The following HDAC5 variants were observed in gnomAD, a reference collection of about 807,000 sequenced individuals.
The protein encoded by HDAC5 is histone deacetylase 5.
In HDAC5, 25 loss-of-function variants were observed where a neutral mutation model predicts 133.3. The ratio of observed to expected loss-of-function variants is 0.19; its 90% CI spans 0.14 to 0.26. The LOEUF is 0.26. HDAC5 is among the 10% of genes least tolerant of loss of function. The pLI is 1.00. For missense variants in HDAC5, 1,041 were observed against 1,460.5 expected (o/e 0.71, Z 4.68); for synonymous variants, 589 against 610.8 (o/e 0.96, Z 0.53).
chr17:44,113,639 T>G (rs543483677), intron 2 of HDAC5, among the ~76,000 whole-genome samples: 1 of 152,100 alleles, frequency 6.6e-6, no homozygotes, highest in South Asian at 2.1e-4. Flanking sequence ...CCACCAAGCA[T>G]GGGGTACATG....
chr17:44,115,296 G>A (rs1598036428), intron 2 of HDAC5, among the ~76,000 whole-genome samples: 3 of 152,160 alleles, frequency 2.0e-5, no homozygotes, highest in Admixed American at 2.0e-4. Context: ...GGCGCTCAGG[G>A]GCTGCAGCAG....
Position 44,083,613 on chromosome 17 carries a change from T to C in HDAC5, c.2395A>G (p.Ser799Gly), listed in dbSNP as rs374690205. The C allele has an allele frequency of 6.8e-6, 11 of 1,614,056 alleles. No individual in the cohort carries two copies. Among genetic ancestry groups the C allele is most frequent in the Admixed American group, 5.0e-5 (3 of 60,008 alleles). ...CAGCCCACTGCCATGCGCACAGCAC[T>C]GGAGGAGTGCATCTCATTCCACACG... is the stretch of plus-strand genomic sequence containing the variant. ...DTVWNEMHSS[S>G]AVRMAVGCLL... Residue 799 changes from serine to glycine, a missense_variant, in exon 18 of 27, where the codon AGT (serine) becomes GGT (glycine). By Grantham distance (56) the Ser-to-Gly change is moderately conservative. Around this residue, in one of 9 missense-constraint regions of HDAC5, gnomAD observed 174 missense variants for 352.7 expected, o/e 0.49. Coordinates refer to ENST00000682912, the MANE Select transcript of HDAC5 (RefSeq NM_005474.5).
intron 1 of HDAC5, among the ~76,000 whole-genome samples, chr17:44,121,418 C>G (rs537120562): frequency 7.2e-6 from 1 of 139,306 alleles, no homozygotes; most frequent in Admixed American, 7.1e-5. Context: ...AACCACCCCC[C>G]CTTGCTGTCT....
Position 44,117,853 on chromosome 17 carries a change from G to A in HDAC5, c.-189-149C>T. On this transcript the variant is annotated intron_variant, in intron 1 of 26. Transcript: ENST00000682912. This position sits in a 1 kb window ranked among gnomAD's most constrained non-coding sequence, Gnocchi z 4.2. Reference sequence around the variant, plus strand: ...GCCACAGGAGAAATCTGCAGAACTGGATAGACCCTGGTTTCTTATCTTACT... The same window carrying A: ...GCCACAGGAGAAATCTGCAGAACTGAATAGACCCTGGTTTCTTATCTTACT... The A allele has an allele frequency of 1.8e-6, 1 of 548,136 alleles. No homozygotes were observed. Among genetic ancestry groups the A allele is most frequent in the South Asian group, 2.6e-5 (1 of 38,472 alleles). 34.0% of individuals were successfully genotyped at this position (548,136 alleles called of 1,614,324 possible).
At chr17:44,110,310 G>A (rs938684939) in intron 3 of HDAC5, among the ~76,000 whole-genome samples, 1 of 152,230 alleles carries the variant, frequency 6.6e-6, no homozygotes, top group Non-Finnish European at 1.5e-5. Flanking sequence ...AGGAGCTGGA[G>A]TAACCTTTAT....
Position 44,087,498 on chromosome 17 carries a change from C to T in HDAC5, c.1798G>A (p.Asp600Asn), listed in dbSNP as rs948158173. ...DEEDDGEEEE[D>N]CIQVKDEEGE... ...TCCTCGTCCTTAACCTGGATGCAAT[C>T]CTCCTCCTCCTCCCCATCGTCTTCC... The change falls in exon 13 of 27, where the codon GAT becomes AAT. Residue 600 changes from aspartate to asparagine, a missense_variant. Around this residue, in one of 9 missense-constraint regions of HDAC5, gnomAD observed 433 missense variants for 531.6 expected, o/e 0.81. Coordinates refer to ENST00000682912, the MANE Select transcript of HDAC5 (RefSeq NM_005474.5). 5 of 1,554,560 alleles carry T rather than the reference C, an allele frequency of 3.2e-6. No homozygotes were observed. The highest frequency in any genetic ancestry group is 4.4e-6 in the Non-Finnish European group (5 of 1,126,754).
rs1342236477 is a variant in HDAC5 at position 44,087,525 on chromosome 17, C to T, written c.1771G>A (p.Glu591Lys). Residue 591 changes from glutamate to lysine, a missense_variant, in exon 13 of 27, where the codon GAG becomes AAG. Glu to Lys is a moderately conservative substitution (Grantham distance 56). Coordinates refer to ENST00000682912, the MANE Select transcript of HDAC5 (RefSeq NM_005474.5). ...STQEDLEEED[E>K]EDDGEEEEDC... The stretch of plus-strand genomic sequence containing the variant: ...TCCTCCTCCTCCCCATCGTCTTCCT[C>T]GTCCTCCTCCTCCAGGTCTTCCTGT... 1 of 1,612,736 alleles carries T rather than the reference C, an allele frequency of 6.2e-7. No individual in the cohort carries two copies. The highest frequency in any genetic ancestry group is 1.7e-5 in the Admixed American group (1 of 60,012).
Position 44,092,366 on chromosome 17 carries a change from G to A in HDAC5, c.919+15C>T. ...TCCCAGACCCTCAGAACAGGTACATGAGAGCAGCCCTTACCCCCAGGCCCG... is the reference window on the plus strand; with the variant it reads ...TCCCAGACCCTCAGAACAGGTACATAAGAGCAGCCCTTACCCCCAGGCCCG... On this transcript the variant is annotated intron_variant, in intron 8 of 26. Coordinates refer to ENST00000682912, the MANE Select transcript of HDAC5 (RefSeq NM_005474.5). The A allele has an allele frequency of 1.9e-6, 3 of 1,612,268 alleles. No individual in the cohort carries two copies. The highest frequency in any genetic ancestry group is 1.7e-6 in the Non-Finnish European group (2 of 1,178,530).
chr17:44,091,240 C>G (rs1167362449), intron 11 of HDAC5, 30 bp downstream of exon 11: 1 of 1,554,872 alleles, frequency 6.4e-7, no homozygotes, highest in East Asian at 2.3e-5. Context: ...ACCTTAGCCC[C>G]CTCCCTTGCA....
chr17:44,083,230 CAA>C (rs2050481743), intron 18 of HDAC5, among the ~76,000 whole-genome samples: 1 of 152,168 alleles, frequency 6.6e-6, no homozygotes, highest in Non-Finnish European at 1.5e-5. Context: ...CTCGGCCTCC[CAA>C]AGTGTTGAGA....
intron 11 of HDAC5, among the ~76,000 whole-genome samples, chr17:44,089,409 G>C (rs2050820541): frequency 6.6e-6 from 1 of 152,020 alleles, no homozygotes; most frequent in Admixed American, 6.6e-5. Context: ...AGGAGTTCAA[G>C]ACCAACTTGG....
intron 3 of HDAC5, among the ~76,000 whole-genome samples, chr17:44,105,277 C>G (rs919584930): frequency 6.6e-6 from 1 of 152,184 alleles, no homozygotes; most frequent in Non-Finnish European, 1.5e-5. Flanking sequence ...CCCCAGAAAC[C>G]TTGAGGCAGA....
At chr17:44,080,721 AGAGGGGCCAG>A in intron 21 of HDAC5, 32 bp downstream of exon 21, 1 of 1,613,528 alleles carries the variant, frequency 6.2e-7, no homozygotes, top group Non-Finnish European at 8.5e-7. Context: ...GCCACCTCCC[AGAGGGGCCAG>A]GAGGGTCTGC....
chr17:44,109,097 C>A (rs901909030), intron 3 of HDAC5, among the ~76,000 whole-genome samples: 1 of 152,220 alleles, frequency 6.6e-6, no homozygotes, highest in Admixed American at 6.5e-5. Flanking sequence ...GGTGAATGAA[C>A]AAGCTGAGGA....
chr17:44,103,354 C>CA (rs1289449184), intron 3 of HDAC5, among the ~76,000 whole-genome samples: 1 of 152,238 alleles, frequency 6.6e-6, no homozygotes, highest in Non-Finnish European at 1.5e-5. Context: ...TCTCACCTAG[C>CA]AATTTTCACA....
chr17:44,087,100 TAC>T (rs1184092068), intron 13 of HDAC5, among the ~76,000 whole-genome samples: 2 of 151,046 alleles, frequency 1.3e-5, no homozygotes, highest in Non-Finnish European at 3.0e-5. Context: ...GGCGTGTGTG[TAC>T]ACACACGCAC....
chr17:44,099,844 C>T (rs995585587), intron 3 of HDAC5, among the ~76,000 whole-genome samples: 4 of 152,170 alleles, frequency 2.6e-5, no homozygotes, highest in Admixed American at 2.0e-4. Flanking sequence ...AGCTGCCCTG[C>T]CCAGCTCACG....
intron 12 of HDAC5, among the ~76,000 whole-genome samples, chr17:44,088,168 C>T (rs150373166): frequency 2.0e-5 from 3 of 152,208 alleles, no homozygotes; most frequent in African/African-American, 4.8e-5. Context: ...CCTACCACCA[C>T]GCCTGGCTAA....
intron 3 of HDAC5, among the ~76,000 whole-genome samples, chr17:44,101,185 C>A (rs2051583046): frequency 6.7e-6 from 1 of 150,054 alleles, no homozygotes; most frequent in Admixed American, 6.6e-5. Flanking sequence ...ACAGGCAGAT[C>A]ACGAGGTCAG....
Sources: allele counts gnomAD v4.1 joint callset (sites outside exome capture counted in the v4.1 genomes callset), GRCh38; gene constraint gnomAD v4.1.1; regional missense constraint gnomAD v4.1.1; non-coding constraint Gnocchi (gnomAD v3.1); transcripts MANE v1.5; gene names NCBI Gene and HGNC (gene_info 2026-07-23, HGNC 2026-07-21).